NRG3: variants seen among roughly 807,000 people sequenced by gnomAD.
NRG3 encodes neuregulin 3.
Under a neutral mutation model 66.9 loss-of-function variants are expected in NRG3, and 31 were observed. The ratio of observed to expected loss-of-function variants is 0.46; its 90% CI spans 0.35 to 0.63. The LOEUF is 0.63. Ranked by LOEUF, NRG3 falls within the 20% of genes least tolerant of loss-of-function variation. NRG3 has a pLI of 0.00. For missense variants in NRG3, 910 were observed against 878.9 expected (o/e 1.04, Z -0.45); for synonymous variants, 393 against 359.4 (o/e 1.09, Z -1.06).
chr10:81,950,617 A>G (rs1413394252), intron 1 of NRG3, among the ~76,000 whole-genome samples: 1 of 152,146 alleles, frequency 6.6e-6, no homozygotes, highest in African/African-American at 2.4e-5. Flanking sequence ...CGGGAAGGTA[A>G]ACTGCTGCCT....
At chr10:82,226,922 C>G (rs191335773) in intron 1 of NRG3, among the ~76,000 whole-genome samples, 87 of 152,242 alleles carry the variant, frequency 5.7e-4, no homozygotes, top group Non-Finnish European at 1.0e-3. Context: ...ACACATTTCC[C>G]AGAAACTCTC....
chr10:82,595,710 G>A lies in NRG3; in HGVS notation c.954-142867G>A, dbSNP rs374773652. Among the ~76,000 whole-genome samples, 359 of 151,996 alleles carry A rather than the reference G, an allele frequency of 2.4e-3. 1 individual carries two copies. Among genetic ancestry groups the A allele is most frequent in the African/African-American group, 8.3e-3 (346 of 41,484 alleles). On this transcript the variant is annotated intron_variant, in intron 2 of 8. Coordinates refer to ENST00000372141, the MANE Select transcript of NRG3 (RefSeq NM_001010848.4). The stretch of plus-strand genomic sequence containing the variant: ...TGAGGCAGGAGAGTCGCTTGAACCC[G>A]GGAGGCAGAGGTTGCAGTGAGCCGA...
chr10:82,052,936 C>G (rs192899163), intron 1 of NRG3, among the ~76,000 whole-genome samples: 1 of 152,132 alleles, frequency 6.6e-6, no homozygotes, highest in Non-Finnish European at 1.5e-5. Context: ...AAATATGAAA[C>G]AAGCAAGCTA....
chr10:82,723,958 C>T (rs528051056), intron 2 of NRG3, among the ~76,000 whole-genome samples: 9 of 149,248 alleles, frequency 6.0e-5, no homozygotes, highest in East Asian at 2.0e-4. Flanking sequence ...CCAGCCTGGG[C>T]GACAGAGCGA....
intron 1 of NRG3, among the ~76,000 whole-genome samples, chr10:81,924,210 G>A (rs906255337): frequency 2.6e-5 from 4 of 152,140 alleles, no homozygotes; most frequent in African/African-American, 9.7e-5. Flanking sequence ...CTCTTCAGAG[G>A]TTACCACAAC....
chr10:81,990,451 T>C (rs555655306), intron 1 of NRG3, among the ~76,000 whole-genome samples: 19 of 152,330 alleles, frequency 1.2e-4, no homozygotes, highest in Admixed American at 1.1e-3. Context: ...CTTATCCTCT[T>C]GTAGAAACTG....
At chr10:82,512,019 G>T (rs975907456) in intron 2 of NRG3, among the ~76,000 whole-genome samples, 1 of 152,080 alleles carries the variant, frequency 6.6e-6, no homozygotes, top group Non-Finnish European at 1.5e-5. Context: ...ACCTCTTAGA[G>T]AGTGTGCCTA....
At chr10:82,673,106 A>G (rs967846127) in intron 2 of NRG3, among the ~76,000 whole-genome samples, 1 of 152,158 alleles carries the variant, frequency 6.6e-6, no homozygotes, top group Non-Finnish European at 1.5e-5. Flanking sequence ...AGATCTATGC[A>G]TGAGGTCAAT....
chr10:82,978,837 T>G, intron 7 of NRG3, 113 bp from the exon 8 acceptor site: 4 of 1,123,838 alleles, frequency 3.6e-6, no homozygotes, highest in South Asian at 1.5e-5. Context: ...CCTAGAACTT[T>G]GAGAATTTGG....
intron 2 of NRG3, among the ~76,000 whole-genome samples, chr10:82,500,239 A>T (rs1435031803): frequency 2.0e-5 from 3 of 152,174 alleles, no homozygotes; most frequent in Admixed American, 2.0e-4. Context: ...TTAGCCTCTT[A>T]GTTTCTTCCT....
intron 1 of NRG3, among the ~76,000 whole-genome samples, chr10:82,206,361 C>G (rs530895850): frequency 1.3e-5 from 2 of 152,258 alleles, no homozygotes; most frequent in East Asian, 3.9e-4. Flanking sequence ...CAGTTCTTTT[C>G]ATTTTCCCCT....
intron 1 of NRG3, among the ~76,000 whole-genome samples, chr10:82,200,027 A>G (rs61862969): frequency 5.4e-4 from 82 of 152,162 alleles, no homozygotes; most frequent in Non-Finnish European, 9.1e-4. Context: ...AAAAATGTAC[A>G]TAATTACACA....
intron 3 of NRG3, among the ~76,000 whole-genome samples, chr10:82,857,531 G>T (rs1253544512): frequency 6.6e-6 from 1 of 152,096 alleles, no homozygotes; most frequent in African/African-American, 2.4e-5. Context: ...TGGGAGATTG[G>T]GATTACAGAA....
At chr10:82,275,297 A>T (rs1180348428) in intron 1 of NRG3, among the ~76,000 whole-genome samples, 4 of 152,004 alleles carry the variant, frequency 2.6e-5, no homozygotes, top group African/African-American at 4.8e-5. Context: ...TGCCAAGAGC[A>T]TAGAGTTAGG....
At chr10:82,011,208 A>G (rs556120511) in intron 1 of NRG3, among the ~76,000 whole-genome samples, 3 of 152,226 alleles carry the variant, frequency 2.0e-5, no homozygotes, top group African/African-American at 4.8e-5. Context: ...ATGAAAGGAG[A>G]AGCAAGCCAC....
chr10:82,773,713 A>G (rs1394797756), intron 3 of NRG3, among the ~76,000 whole-genome samples: 1 of 152,068 alleles, frequency 6.6e-6, no homozygotes, highest in East Asian at 1.9e-4. Flanking sequence ...CTTATCTTAT[A>G]TCTCTTGCTA....
At chr10:82,048,738 A>G (rs1282441380) in intron 1 of NRG3, among the ~76,000 whole-genome samples, 1 of 151,930 alleles carries the variant, frequency 6.6e-6, no homozygotes, top group Non-Finnish European at 1.5e-5. Context: ...AAGGCAAGAA[A>G]TAACTAAAAT....
intron 1 of NRG3, among the ~76,000 whole-genome samples, chr10:82,229,682 C>A (rs1275415441): frequency 6.6e-6 from 1 of 152,210 alleles, no homozygotes; most frequent in South Asian, 2.1e-4. Flanking sequence ...CTTATAAAAC[C>A]ATCAGATCTT....
chr10:82,102,652 A>G (rs747523447), intron 1 of NRG3, among the ~76,000 whole-genome samples: 3 of 151,922 alleles, frequency 2.0e-5, no homozygotes, highest in Admixed American at 6.5e-5. Context: ...ATACACACAC[A>G]GTATGTGTAG....
Sources: allele counts gnomAD v4.1 joint callset (sites outside exome capture counted in the v4.1 genomes callset), GRCh38; gene constraint gnomAD v4.1.1; transcripts MANE v1.5; gene names NCBI Gene and HGNC (gene_info 2026-07-23, HGNC 2026-07-21).